The following DOCK4 variants were observed in gnomAD, a reference collection of about 807,000 sequenced individuals.
DOCK4 encodes the protein dedicator of cytokinesis protein 4.
A neutral mutation model predicts 268.1 loss-of-function variants in DOCK4; 97 were observed. The ratio of observed to expected loss-of-function variants is 0.36; its 90% CI spans 0.31 to 0.43. The LOEUF (loss-of-function observed/expected upper bound fraction) is 0.43, where lower values mean the gene tolerates loss of function less well. Among genes scored for constraint, DOCK4 ranks in the 20% least tolerant of loss-of-function variants. The pLI is 1.00. For synonymous variants in DOCK4, 954 were observed against 887.2 expected (o/e 1.08, Z -1.34); for missense variants, 2,145 against 2,455.7 (o/e 0.87, Z 2.67).
At position 112,067,003 on chromosome 7, in the gene DOCK4, C is replaced by A. The variant is rs969256966; in HGVS notation, c.38-62872G>T. On this transcript the variant is annotated intron_variant, in intron 1 of 52. Coordinates refer to ENST00000428084, the MANE Select transcript of DOCK4 (RefSeq NM_001363540.2). ...CCACACACACACACACACAAAAAAA[C>A]CAAACCAAACCAAACAAAACCCAAA... Among the ~76,000 whole-genome samples the A allele has an allele frequency of 4.7e-5, 7 of 148,604 alleles. 1 individual carries two copies. In the South Asian group the frequency reaches 1.1e-3, roughly 22 times the overall value.
chr7:112,054,003 A>T (rs1292640194), intron 1 of DOCK4, among the ~76,000 whole-genome samples: 1 of 152,122 alleles, frequency 6.6e-6, no homozygotes, highest in Non-Finnish European at 1.5e-5. Context: ...CTCCTCTGAG[A>T]AGAGCAGGGA....
At chr7:111,891,308 A>T (rs1808268755) in intron 16 of DOCK4, among the ~76,000 whole-genome samples, 1 of 152,214 alleles carries the variant, frequency 6.6e-6, no homozygotes. Flanking sequence ...CTGTATGCAC[A>T]TATACACATA....
intron 25 of DOCK4, among the ~76,000 whole-genome samples, chr7:111,836,396 C>T (rs1001754411): frequency 6.6e-6 from 1 of 152,114 alleles, no homozygotes; most frequent in South Asian, 2.1e-4. Flanking sequence ...TTTAACCTCA[C>T]TCTATAGCAA....
At chr7:111,932,101 A>T (rs1794250170) in intron 12 of DOCK4, among the ~76,000 whole-genome samples, 3 of 152,182 alleles carry the variant, frequency 2.0e-5, no homozygotes, top group Admixed American at 1.3e-4. Context: ...CTTCACCAAC[A>T]TTCCAGAGGC....
At chr7:112,010,916 T>C (rs1459973123) in intron 1 of DOCK4, among the ~76,000 whole-genome samples, 1 of 152,196 alleles carries the variant, frequency 6.6e-6, no homozygotes, top group East Asian at 1.9e-4. Context: ...TCATCCTCCT[T>C]GAACCACAAG....
intron 1 of DOCK4, among the ~76,000 whole-genome samples, chr7:112,088,011 A>G (rs968747040): frequency 6.6e-6 from 1 of 152,130 alleles, no homozygotes; most frequent in Admixed American, 6.6e-5. Context: ...ACAGTGGTGA[A>G]GGGGAGTAGA....
chr7:112,123,311 G>T (rs537249907), intron 1 of DOCK4, among the ~76,000 whole-genome samples: 71 of 152,264 alleles, frequency 4.7e-4, no homozygotes, highest in African/African-American at 1.4e-3. Context: ...GAGAAAGGGG[G>T]AAGGTCACAT....
intron 11 of DOCK4, among the ~76,000 whole-genome samples, chr7:111,936,462 G>A (rs544793741): frequency 1.3e-5 from 2 of 151,636 alleles, no homozygotes; most frequent in Non-Finnish European, 2.9e-5. Flanking sequence ...TGCTGTGGAT[G>A]CTTAAAAACT....
At chr7:111,823,471 G>A (rs376865615) in intron 26 of DOCK4, among the ~76,000 whole-genome samples, 2 of 152,078 alleles carry the variant, frequency 1.3e-5, no homozygotes, top group Non-Finnish European at 2.9e-5. Flanking sequence ...GCCTCCCAAA[G>A]TGCTGGGATT....
At position 112,045,342 on chromosome 7, in the gene DOCK4, A is replaced by G. The variant is rs564605663; in HGVS notation, c.38-41211T>C. On this transcript the variant is annotated intron_variant, in intron 1 of 52. Transcript: ENST00000428084. ...GTAAAAAGGCAACACCCTTCCACTG[A>G]CAAGCTCCATTTTCTTACTCTAATT... Among the ~76,000 whole-genome samples the G allele has an allele frequency of 2.0e-5, 3 of 152,250 alleles. No homozygotes were observed. In the South Asian group the frequency reaches 6.2e-4, roughly 32 times the overall value.
At chr7:112,067,788 C>T (rs1807214721) in intron 1 of DOCK4, among the ~76,000 whole-genome samples, 2 of 152,144 alleles carry the variant, frequency 1.3e-5, no homozygotes, top group South Asian at 2.1e-4. Flanking sequence ...ACTTGAAATC[C>T]CCAGGAAACG....
At chr7:112,001,443 GTTAC>G (rs1209613731) in intron 2 of DOCK4, among the ~76,000 whole-genome samples, 2 of 151,992 alleles carry the variant, frequency 1.3e-5, no homozygotes, top group Non-Finnish European at 1.5e-5. Context: ...AGCCCTCTCG[GTTAC>G]CAGATTGAGG....
intron 1 of DOCK4, among the ~76,000 whole-genome samples, chr7:112,183,536 A>G (rs982030506): frequency 1.3e-5 from 2 of 152,104 alleles, no homozygotes; most frequent in Admixed American, 1.3e-4. Context: ...CAGGATTTAA[A>G]CCTGGGTTTC....
At chr7:112,119,416 C>T (rs938559705) in intron 1 of DOCK4, among the ~76,000 whole-genome samples, 3 of 152,240 alleles carry the variant, frequency 2.0e-5, no homozygotes, top group East Asian at 1.9e-4. Context: ...AGTTCTGGCC[C>T]GCCAAAGTTA....
At chr7:112,156,026 C>G (rs1816582219) in intron 1 of DOCK4, among the ~76,000 whole-genome samples, 1 of 152,100 alleles carries the variant, frequency 6.6e-6, no homozygotes, top group Non-Finnish European at 1.5e-5. Flanking sequence ...AATCATAGCC[C>G]AGTTTGTTTT....
At chr7:111,845,022 C>T (rs914300183) in intron 24 of DOCK4, 125 bp from the exon 25 acceptor site, 7 of 1,307,532 alleles carry the variant, frequency 5.4e-6, no homozygotes, top group Non-Finnish European at 7.3e-6. Flanking sequence ...TGAATGATCT[C>T]CTTTTACAGT....
At chr7:111,906,345 A>G (rs1221995301) in intron 13 of DOCK4, among the ~76,000 whole-genome samples, 3 of 152,190 alleles carry the variant, frequency 2.0e-5, no homozygotes, top group Non-Finnish European at 2.9e-5. Flanking sequence ...AGGAAGAGGT[A>G]GACAATAGAA....
intron 1 of DOCK4, among the ~76,000 whole-genome samples, chr7:112,066,400 TTG>T (rs1806935601): frequency 6.6e-6 from 1 of 151,694 alleles, no homozygotes; most frequent in African/African-American, 2.4e-5. Flanking sequence ...GTTTTCCAGC[TTG>T]CAGATGGCCT....
intron 1 of DOCK4, among the ~76,000 whole-genome samples, chr7:112,186,857 T>C (rs1242805173): frequency 2.0e-5 from 3 of 152,056 alleles, no homozygotes; most frequent in Admixed American, 6.5e-5. Flanking sequence ...GTAACAAAAT[T>C]TCAGGGACAT....
Sources: gnomAD v4.1 joint callset for allele counts (sites outside exome capture counted in the v4.1 genomes callset) on GRCh38, gnomAD v4.1.1 for gene constraint, MANE v1.5 for transcripts, NCBI Gene and HGNC (gene_info 2026-07-23, HGNC 2026-07-21) for gene names.